SYT1: variants seen among roughly 807,000 people sequenced by gnomAD.
SYT1 encodes synaptotagmin-1.
SYT1 carries 8 observed loss-of-function variants against 44.8 expected under a neutral mutation model. That is an observed-to-expected ratio of 0.18 (90% CI 0.10 to 0.32). The LOEUF (loss-of-function observed/expected upper bound fraction) is 0.32, where lower values mean the gene tolerates loss of function less well. Ranked by LOEUF, SYT1 falls within the 10% of genes least tolerant of loss-of-function variation. The pLI is 1.00. For missense variants in SYT1, 286 were observed against 509.3 expected (o/e 0.56, Z 4.22); for synonymous variants, 154 against 188.8 (o/e 0.82, Z 1.51).
intron 4 of SYT1, among the ~76,000 whole-genome samples, chr12:79,266,762 T>C (rs1392068467): frequency 6.6e-6 from 1 of 152,190 alleles, no homozygotes; most frequent in Non-Finnish European, 1.5e-5. Flanking sequence ...AGAAACTGAT[T>C]GACAAAAACA....
chr12:78,919,072 G>C (rs1268748385), intron 1 of SYT1, among the ~76,000 whole-genome samples: 3 of 151,938 alleles, frequency 2.0e-5, no homozygotes, highest in Admixed American at 1.3e-4. Context: ...TGAGATGACA[G>C]AGTTATTGAT....
chr12:79,264,093 T>A (rs1303797038), intron 4 of SYT1, among the ~76,000 whole-genome samples: 1 of 152,120 alleles, frequency 6.6e-6, no homozygotes, highest in East Asian at 1.9e-4. Context: ...TTCCAAGGAT[T>A]TTTTGGGCAG....
At chr12:79,061,411 G>A (rs1181036911) in intron 3 of SYT1, among the ~76,000 whole-genome samples, 2 of 152,040 alleles carry the variant, frequency 1.3e-5, no homozygotes, top group Non-Finnish European at 2.9e-5. Context: ...AATGAGGAAG[G>A]AGAGGATCAG....
intron 9 of SYT1, among the ~76,000 whole-genome samples, chr12:79,358,784 G>A (rs1409424710): frequency 6.6e-6 from 1 of 152,092 alleles, no homozygotes; most frequent in Non-Finnish European, 1.5e-5. Context: ...ATCAAGATGA[G>A]GTCGTCACAG....
chr12:79,366,162 T>A (rs1304906078), intron 9 of SYT1, among the ~76,000 whole-genome samples: 1 of 152,198 alleles, frequency 6.6e-6, no homozygotes, highest in Non-Finnish European at 1.5e-5. Context: ...ATATTGCAAA[T>A]GAAACTAGCC....
intron 9 of SYT1, among the ~76,000 whole-genome samples, chr12:79,439,671 A>ACTC (rs1454905940): frequency 6.6e-6 from 1 of 152,160 alleles, no homozygotes; most frequent in Non-Finnish European, 1.5e-5. Flanking sequence ...CCATGTGGTA[A>ACTC]CTCAATTTAA....
intron 2 of SYT1, among the ~76,000 whole-genome samples, chr12:79,043,918 C>T (rs928251075): frequency 2.9e-4 from 44 of 152,144 alleles, no homozygotes; most frequent in African/African-American, 9.2e-4. Context: ...AATTCTGGGT[C>T]GAAAATTGTT....
At position 78,968,632 on chromosome 12, in the gene SYT1, T is replaced by A. The variant is rs546563126; in HGVS notation, c.-216-9167T>A. On this transcript the variant is annotated intron_variant, in intron 1 of 10. Transcript: ENST00000261205. ...AGATCTAAAAGGATCTCCACTGTAT[T>A]CATTAGTTCAACAAATGATTGTTGA... Among the ~76,000 whole-genome samples the A allele has an allele frequency of 4.6e-5, 7 of 152,176 alleles. No homozygotes were observed. The South Asian group carries it at 8.3e-4, about 18-fold the overall frequency.
Position 79,173,427 on chromosome 12 carries a change from A to G in SYT1, c.-17-44076A>G, listed in dbSNP as rs1160349782. Among the ~76,000 whole-genome samples, 6 of 152,230 alleles carry G rather than the reference A, an allele frequency of 3.9e-5. No homozygotes were observed. The South Asian group carries it at 1.0e-3, about 26-fold the overall frequency. ...CTCCCCACTGCCCCACCTGGGCAAGATGGATGAAGGAAAGGATCCCAAAAG... is the reference window on the plus strand; with the variant it reads ...CTCCCCACTGCCCCACCTGGGCAAGGTGGATGAAGGAAAGGATCCCAAAAG... On this transcript the variant is annotated intron_variant, in intron 3 of 10. Transcript: ENST00000261205.
At position 79,057,963 on chromosome 12, in the gene SYT1, A is replaced by G. The variant is rs1011965412; in HGVS notation, c.-18+10601A>G. Among the ~76,000 whole-genome samples, 15 of 152,194 alleles carry G rather than the reference A, an allele frequency of 9.9e-5. 1 individual carries two copies. In the South Asian group the frequency reaches 1.9e-3, roughly 19 times the overall value. ...AAATACCATTTTATTACAGAATGCA[A>G]CAAAATAATTATTTGAATTATGCCT... On this transcript the variant is annotated intron_variant, in intron 3 of 10. Coordinates refer to ENST00000261205, the MANE Select transcript of SYT1 (RefSeq NM_005639.3).
intron 1 of SYT1, among the ~76,000 whole-genome samples, chr12:78,943,438 G>A (rs1878492135): frequency 6.6e-6 from 1 of 152,116 alleles, no homozygotes; most frequent in Non-Finnish European, 1.5e-5. Context: ...CAAGGGAGGT[G>A]CCACAAGCTT....
At chr12:78,981,725 G>A (rs1287659786) in intron 2 of SYT1, among the ~76,000 whole-genome samples, 2 of 152,126 alleles carry the variant, frequency 1.3e-5, no homozygotes, top group Non-Finnish European at 1.5e-5. Flanking sequence ...GCCTTTGTGT[G>A]CACAGTTGTT....
At chr12:79,093,192 GT>G (rs1877896549) in intron 3 of SYT1, among the ~76,000 whole-genome samples, 1 of 151,604 alleles carries the variant, frequency 6.6e-6, no homozygotes, top group African/African-American at 2.4e-5. Context: ...ACTGCTAGGG[GT>G]CCTTCTGGAA....
At chr12:79,391,823 A>T (rs1018498213) in intron 9 of SYT1, among the ~76,000 whole-genome samples, 2 of 152,198 alleles carry the variant, frequency 1.3e-5, no homozygotes, top group African/African-American at 4.8e-5. Flanking sequence ...AAGGATTTTA[A>T]AATACTGAGT....
At chr12:79,259,275 C>G (rs972566452) in intron 4 of SYT1, among the ~76,000 whole-genome samples, 20 of 152,244 alleles carry the variant, frequency 1.3e-4, no homozygotes, top group African/African-American at 4.8e-4. Flanking sequence ...AAATTCAGAG[C>G]TCTTAACCTA....
In SYT1 at chr12:78,898,627, G is replaced by T. The variant is rs916775236; in HGVS notation, c.-217+33518G>T. Among the ~76,000 whole-genome samples the T allele has an allele frequency of 2.6e-5, 4 of 151,938 alleles. 1 individual carries two copies. The highest frequency in any genetic ancestry group is 3.2e-3 in the Middle Eastern group (1 of 316). On this transcript the variant is annotated intron_variant, in intron 1 of 10. Coordinates refer to ENST00000261205, the MANE Select transcript of SYT1 (RefSeq NM_005639.3). The stretch of plus-strand genomic sequence containing the variant: ...GAATTCATGATTGTTTTTTCCCCTA[G>T]GACTGCATTGCAACCTCAGACAAGA...
intron 1 of SYT1, among the ~76,000 whole-genome samples, chr12:78,975,676 G>A (rs1246715551): frequency 6.6e-6 from 1 of 152,114 alleles, no homozygotes. Context: ...CCCAATGACA[G>A]ATGGTTTTTA....
At chr12:79,060,799 A>G (rs557863633) in intron 3 of SYT1, among the ~76,000 whole-genome samples, 7 of 152,246 alleles carry the variant, frequency 4.6e-5, no homozygotes, top group African/African-American at 1.7e-4. Flanking sequence ...ATAGAAATGC[A>G]ATGAGTTCAT....
intron 3 of SYT1, among the ~76,000 whole-genome samples, chr12:79,146,986 G>T (rs769905107): frequency 6.6e-6 from 1 of 151,864 alleles, no homozygotes; most frequent in Non-Finnish European, 1.5e-5. Flanking sequence ...GATTACAGGC[G>T]CCCACCACCA....
Sources: allele counts gnomAD v4.1 joint callset (sites outside exome capture counted in the v4.1 genomes callset), GRCh38; gene constraint gnomAD v4.1.1; transcripts MANE v1.5; gene names NCBI Gene and HGNC (gene_info 2026-07-23, HGNC 2026-07-21).